The following DIS3L2 variants were observed in gnomAD, a reference collection of about 807,000 sequenced individuals.
The protein encoded by DIS3L2 is DIS3-like exonuclease 2.
A neutral mutation model predicts 97.5 loss-of-function variants in DIS3L2; 34 were observed. The ratio of observed to expected loss-of-function variants is 0.35; its 90% CI spans 0.27 to 0.46. The LOEUF (loss-of-function observed/expected upper bound fraction) is 0.46. Ranked by LOEUF, DIS3L2 falls within the 20% of genes least tolerant of loss-of-function variation. The pLI is 1.00. For synonymous variants in DIS3L2, 435 were observed against 445.2 expected, an observed-to-expected ratio of 0.98 and a Z score of 0.29; for missense variants, 1,038 against 1,146.0, an observed-to-expected ratio of 0.91 and a Z score of 1.36.
At chr2:232,039,578 T>C (rs1235121842) in intron 5 of DIS3L2, among the ~76,000 whole-genome samples, 1 of 152,208 alleles carries the variant, frequency 6.6e-6, no homozygotes, top group Non-Finnish European at 1.5e-5. Flanking sequence ...AGTATCAAGC[T>C]GTGAGGCAAT....
rs1052881794 is a variant in DIS3L2, at chr2:232,292,665, G to A, written c.1660-7375G>A. ...CCAGTGGTAGTCTCATGCTCTGGCCGCCTGGAGCCTGCCCTCCTGTGTGAC... is the reference window on the plus strand; with the variant it reads ...CCAGTGGTAGTCTCATGCTCTGGCCACCTGGAGCCTGCCCTCCTGTGTGAC... On this transcript the variant is annotated intron_variant, in intron 13 of 20. Coordinates refer to ENST00000325385, the MANE Select transcript of DIS3L2 (RefSeq NM_152383.5). The surrounding 1 kb of genome is among the most constrained non-coding windows in gnomAD (Gnocchi z 4.4). Among the ~76,000 whole-genome samples the A allele has an allele frequency of 2.6e-5, 4 of 152,190 alleles. No homozygotes were observed. The highest frequency in any genetic ancestry group is 1.3e-4 in the Admixed American group (2 of 15,280).
intron 12 of DIS3L2, among the ~76,000 whole-genome samples, chr2:232,256,149 G>A (rs183213216): frequency 4.6e-5 from 7 of 152,208 alleles, no homozygotes; most frequent in South Asian, 2.1e-4. Context: ...AAGATAAAAC[G>A]CCCCCTTACA....
chr2:232,225,093 AC>A (rs1692608234), intron 10 of DIS3L2, among the ~76,000 whole-genome samples: 1 of 152,206 alleles, frequency 6.6e-6, no homozygotes, highest in African/African-American at 2.4e-5. Flanking sequence ...TTTAAAGCTG[AC>A]AATGTTAGGG....
intron 5 of DIS3L2, 73 bp downstream of exon 5, chr2:232,030,153 A>G (rs1694765910): frequency 3.7e-6 from 5 of 1,334,858 alleles, no homozygotes; most frequent in Non-Finnish European, 5.3e-6. Flanking sequence ...CCAACAAGGC[A>G]TCATAAACTG....
At chr2:231,971,946 G>A (rs1042255633) in intron 1 of DIS3L2, among the ~76,000 whole-genome samples, 3 of 150,996 alleles carry the variant, frequency 2.0e-5, no homozygotes, top group Admixed American at 1.3e-4. Context: ...CAGCACTTTG[G>A]GAGGCCGAGG....
chr2:232,333,802 T>C (rs747066162), intron 16 of DIS3L2, 38 bp from the exon 17 acceptor site: 2 of 1,578,830 alleles, frequency 1.3e-6, no homozygotes, highest in East Asian at 4.5e-5. Context: ...GCTGGGCAGC[T>C]CTGGGCTTGT....
chr2:232,237,377 A>G (rs1692960929), intron 10 of DIS3L2, among the ~76,000 whole-genome samples: 1 of 152,188 alleles, frequency 6.6e-6, no homozygotes, highest in East Asian at 1.9e-4. Context: ...TTCTAAAAGG[A>G]AAAAGAAAGT....
intron 14 of DIS3L2, 28 bp from the exon 15 acceptor site, chr2:232,329,785 T>TCCCCGGGGGGA: frequency 1.0e-6 from 1 of 967,144 alleles, no homozygotes; most frequent in Non-Finnish European, 1.5e-6. Flanking sequence ...ACCCCAGCGG[T>TCCCCGGGGGGA]CCCTCCCATC....
chr2:232,250,339 T>C (rs1193755484), intron 12 of DIS3L2, among the ~76,000 whole-genome samples: 1 of 85,556 alleles, frequency 1.2e-5, no homozygotes, highest in Admixed American at 1.2e-4. Flanking sequence ...GTAAAAGGAT[T>C]TTTTTTTTTA....
At chr2:232,111,287 C>T (rs1030348577) in intron 6 of DIS3L2, 2 of 470,776 alleles carry the variant, frequency 4.2e-6, no homozygotes, top group Non-Finnish European at 8.8e-6. Flanking sequence ...ACTTGTACCT[C>T]TATTAGTAGC....
intron 5 of DIS3L2, among the ~76,000 whole-genome samples, chr2:232,056,960 T>C (rs1695563917): frequency 1.3e-5 from 2 of 152,122 alleles, no homozygotes; most frequent in South Asian, 2.1e-4. Flanking sequence ...CAAAAAAATA[T>C]GTCTAGGAAT....
chr2:232,010,498 T>C (rs1304690880), intron 1 of DIS3L2, among the ~76,000 whole-genome samples: 5 of 152,234 alleles, frequency 3.3e-5, no homozygotes, highest in African/African-American at 1.2e-4. Flanking sequence ...TCTAATCTCA[T>C]TGAGATTTAT....
At chr2:232,278,631 T>C (rs1481140376) in intron 13 of DIS3L2, among the ~76,000 whole-genome samples, 1 of 152,206 alleles carries the variant, frequency 6.6e-6, no homozygotes, top group African/African-American at 2.4e-5. Flanking sequence ...GTCCATGTTG[T>C]TGTGTGTATC....
rs1266900192 is a variant in DIS3L2 at position 232,037,466 on chromosome 2, T to C, written c.366+7386T>C. Among the ~76,000 whole-genome samples the C allele has an allele frequency of 6.6e-6, 1 of 152,222 alleles. No individual in the cohort carries two copies. The highest frequency in any genetic ancestry group is 2.4e-5 in the African/African-American group (1 of 41,462). On this transcript the variant is annotated intron_variant, in intron 5 of 20. Transcript: ENST00000325385. The surrounding 1 kb of genome is among the most constrained non-coding windows in gnomAD (Gnocchi z 4.6). Reference sequence around the variant, plus strand: ...TTCAAACCAGTGGATCTTAGCTTGCTGGGCTCCATGAGGGTGGGATCCGCT... The same window carrying C: ...TTCAAACCAGTGGATCTTAGCTTGCCGGGCTCCATGAGGGTGGGATCCGCT...
At chr2:231,969,313 T>C (rs1446335990) in intron 1 of DIS3L2, among the ~76,000 whole-genome samples, 1 of 149,224 alleles carries the variant, frequency 6.7e-6, no homozygotes, top group Non-Finnish European at 1.5e-5. Flanking sequence ...CTAGACCTTT[T>C]TTTTTTTTTT....
downstream of DIS3L2, among the ~76,000 whole-genome samples, chr2:232,340,080 C>T (rs1207677322): frequency 6.6e-6 from 1 of 152,170 alleles, no homozygotes; most frequent in African/African-American, 2.4e-5. Flanking sequence ...TTACTATAGG[C>T]GGAGAGTGCA....
intron 6 of DIS3L2, among the ~76,000 whole-genome samples, chr2:232,090,700 G>T (rs1465457402): frequency 6.6e-6 from 1 of 152,154 alleles, no homozygotes; most frequent in African/African-American, 2.4e-5. Flanking sequence ...TCTTTGCTTT[G>T]TGTTCTACTT....
At chr2:232,239,541 C>T (rs1194550113) in intron 11 of DIS3L2, among the ~76,000 whole-genome samples, 1 of 152,184 alleles carries the variant, frequency 6.6e-6, no homozygotes, top group African/African-American at 2.4e-5. Context: ...TCCTTTCTAG[C>T]TTTTTAAAAT....
chr2:232,267,464 G>T (rs923177091), intron 13 of DIS3L2, among the ~76,000 whole-genome samples: 1 of 152,156 alleles, frequency 6.6e-6, no homozygotes. Context: ...CCCCTTCCAG[G>T]TAGTTTCTTC....
Sources: gnomAD v4.1 joint callset for allele counts (sites outside exome capture counted in the v4.1 genomes callset) on GRCh38, gnomAD v4.1.1 for gene constraint, Gnocchi (gnomAD v3.1) non-coding constraint, MANE v1.5 for transcripts, NCBI Gene and HGNC (gene_info 2026-07-23, HGNC 2026-07-21) for gene names.